UBE2O: variants seen among roughly 807,000 people sequenced by gnomAD.
The protein encoded by UBE2O is ubiquitin conjugating enzyme E2 O.
In UBE2O, 15 loss-of-function variants were observed where a neutral mutation model predicts 125.8. The ratio of observed to expected loss-of-function variants is 0.12; its 90% confidence interval spans 0.08 to 0.18. The LOEUF is 0.18. Ranked by LOEUF, UBE2O falls within the 10% of genes least tolerant of loss-of-function variation. UBE2O has a pLI of 1.00. For synonymous variants in UBE2O, 708 were observed against 703.2 expected, an observed-to-expected ratio of 1.01 and a Z score of -0.11; for missense variants, 1,280 against 1,723.6, an observed-to-expected ratio of 0.74 and a Z score of 4.56.
At chr17:76,412,727 C>T (rs911398066) in intron 1 of UBE2O, among the ~76,000 whole-genome samples, 1 of 152,158 alleles carries the variant, frequency 6.6e-6, no homozygotes, top group Non-Finnish European at 1.5e-5. Context: ...AAAACCAACT[C>T]GGCCGGGCGC....
chr17:76,435,679 A>C (rs1218877080), intron 1 of UBE2O, among the ~76,000 whole-genome samples: 1 of 152,174 alleles, frequency 6.6e-6, no homozygotes, highest in Non-Finnish European at 1.5e-5. Context: ...CTAGTCATGG[A>C]CACTAAGCAA....
chr17:76,396,737 A>T lies in UBE2O; in HGVS notation c.2200T>A (p.Trp734Arg). The change falls in exon 14 of 18, where the codon TGG (tryptophan) becomes AGG (arginine). Residue 734 changes from tryptophan (W) to arginine (R), a missense_variant. By Grantham distance (101) the Trp-to-Arg change is moderately radical. Coordinates refer to ENST00000319380, the MANE Select transcript of UBE2O (RefSeq NM_022066.4). This position sits in a 1 kb window ranked among gnomAD's most constrained non-coding sequence, Gnocchi z 6.7. The part of the protein sequence containing the change: ...GSTSGASSDE[W>R]EDDSDSWETD... ...TCCCAGCTGTCACTATCATCTTCCCATTCATCCGAGGATGCCCCGCTGGTG... is the reference window on the plus strand; with the variant it reads ...TCCCAGCTGTCACTATCATCTTCCCTTTCATCCGAGGATGCCCCGCTGGTG... 1 of 1,613,854 alleles carries T rather than the reference A, an allele frequency of 6.2e-7. No homozygotes were observed. The highest frequency in any genetic ancestry group is 8.5e-7 in the Non-Finnish European group (1 of 1,179,936).
chr17:76,395,775 CCAG>C lies in UBE2O; in HGVS notation c.2893_2895del (p.Leu965del). On this transcript the variant is annotated inframe_deletion, in exon 15 of 18. Coordinates refer to ENST00000319380, the MANE Select transcript of UBE2O (RefSeq NM_022066.4). This position sits in a 1 kb window ranked among gnomAD's most constrained non-coding sequence, Gnocchi z 5.0. ...ATGATGCCCTCAGGCAGTGAGGTAG[CCAG>C]CAGCGCCATCTCCTTCCGCACTGTG... The C allele has an allele frequency of 6.2e-7, 1 of 1,614,196 alleles. No individual in the cohort carries two copies. The highest frequency in any genetic ancestry group is 8.5e-7 in the Non-Finnish European group (1 of 1,180,032).
chr17:76,399,212 T>A lies in UBE2O; in HGVS notation c.1629-221A>T, dbSNP rs959933125. Reference sequence around the variant, plus strand: ...CCACTTGGGAGAGCTCAGGCAAATGTGGTTCCAGAAGGCCAAGCTTAAGGC... The same window carrying A: ...CCACTTGGGAGAGCTCAGGCAAATGAGGTTCCAGAAGGCCAAGCTTAAGGC... On this transcript the variant is annotated intron_variant, in intron 9 of 17. Transcript: ENST00000319380. This position sits in a 1 kb window ranked among gnomAD's most constrained non-coding sequence, Gnocchi z 6.9. 5.4e-6 allele frequency: 4 copies of A among 737,770 alleles called. No individual in the cohort carries two copies. The highest frequency in any genetic ancestry group is 8.7e-6 in the Non-Finnish European group (4 of 461,988). The allele number at this position is 737,770 out of a possible 1,614,324, so 45.7% of individuals were successfully genotyped here. A position where few individuals can be genotyped will look rare whatever the true frequency, so the allele number is the denominator to read the frequency against.
Position 76,402,040 on chromosome 17 carries a change from G to T in UBE2O, c.750+24C>A. The T allele has an allele frequency of 2.5e-6, 4 of 1,612,276 alleles. No individual in the cohort carries two copies. The highest frequency in any genetic ancestry group is 3.4e-6 in the Non-Finnish European group (4 of 1,179,356). On this transcript the variant is annotated intron_variant, in intron 5 of 17. Coordinates refer to ENST00000319380, the MANE Select transcript of UBE2O (RefSeq NM_022066.4). The surrounding 1 kb of genome is among the most constrained non-coding windows in gnomAD (Gnocchi z 5.4). ...GAGGACTGAGCAATCAGAGAAGGGTGCTGGCCTGGATGGAGCACACTACCG... is the reference window on the plus strand; with the variant it reads ...GAGGACTGAGCAATCAGAGAAGGGTTCTGGCCTGGATGGAGCACACTACCG...
intron 1 of UBE2O, among the ~76,000 whole-genome samples, chr17:76,423,085 A>T (rs1287675596): frequency 6.6e-6 from 1 of 152,238 alleles, no homozygotes; most frequent in Non-Finnish European, 1.5e-5. Context: ...GGCCTGGAGA[A>T]CATCTGGCAA....
intron 1 of UBE2O, among the ~76,000 whole-genome samples, chr17:76,419,412 A>C (rs1265662456): frequency 6.6e-6 from 1 of 152,180 alleles, no homozygotes; most frequent in Non-Finnish European, 1.5e-5. Flanking sequence ...GTAATGAAGA[A>C]AAAAATAGAA....
At position 76,400,442 on chromosome 17, in the gene UBE2O, T is replaced by C. The variant is rs1372052395; in HGVS notation, c.1003A>G (p.Arg335Gly). The C allele has an allele frequency of 6.2e-7, 1 of 1,610,324 alleles. No individual in the cohort carries two copies. Among genetic ancestry groups the C allele is most frequent in the Non-Finnish European group, 8.5e-7 (1 of 1,178,218 alleles). Reference protein sequence around the residue: ...PSVITQENLGRVKRLGCFDHA... With the variant: ...PSVITQENLGGVKRLGCFDHA... The stretch of plus-strand genomic sequence containing the variant: ...TGCTGGCAGTAAGGGCATGCTTACC[T>C]GCCTAGGTTTTCCTGGGTGATGACA... The change falls in exon 7 of 18, where the codon AGG (arginine) becomes GGG (glycine). Residue 335 changes from arginine to glycine, a missense_variant and splice_region_variant. Physicochemically the swap from Arg to Gly is moderately radical, Grantham distance 125. Transcript: ENST00000319380. This position sits in a 1 kb window ranked among gnomAD's most constrained non-coding sequence, Gnocchi z 4.3.
chr17:76,396,257 C>T lies in UBE2O; in HGVS notation c.2680G>A (p.Gly894Arg). ...CACTCAGCCTTCACAGGTGACTGCC[C>T]CTCGGGCTTGTCCTCCTTGCGCTCT... ...DVERKEDKPE[G>R]QSPVKAEWPS... Residue 894 changes from glycine to arginine, a missense_variant, in exon 14 of 18, where the codon GGG (glycine) becomes AGG (arginine). Gly to Arg is a moderately radical substitution (Grantham distance 125). This residue lies in a region of UBE2O where 116 missense variants were observed against 154.8 expected (regional missense o/e 0.75). Transcript: ENST00000319380. The surrounding 1 kb of genome is among the most constrained non-coding windows in gnomAD (Gnocchi z 6.7). 6.2e-7 allele frequency: 1 copy of T among 1,614,232 alleles called. No individual in the cohort carries two copies. The highest frequency in any genetic ancestry group is 8.5e-7 in the Non-Finnish European group (1 of 1,180,046).
Position 76,391,393 on chromosome 17 carries a change from C to T in UBE2O, c.3429G>A (p.Glu1143=). The T allele has an allele frequency of 6.2e-7, 1 of 1,613,478 alleles. No individual in the cohort carries two copies. Residue 1143 remains glutamate, a synonymous_variant, in exon 18 of 18, where the codon GAG becomes GAA. Coordinates refer to ENST00000319380, the MANE Select transcript of UBE2O (RefSeq NM_022066.4). The surrounding 1 kb of genome is among the most constrained non-coding windows in gnomAD (Gnocchi z 8.4). The stretch of plus-strand genomic sequence containing the variant: ...GCAGGGCATGGGTTTCCAGCCAGGA[C>T]TCGATACGGTTCACCAGCCGCCAGC... ...TGGWRLVNRI[E]SWLETHALLE...
chr17:76,449,673 C>G lies in UBE2O; in HGVS notation c.417+3052G>C, dbSNP rs536820847. The stretch of plus-strand genomic sequence containing the variant: ...GTGGCTCCTGCCTGTAATCCCAGCA[C>G]TTTGGGAGGCCGAGGCGGGCGGATC... On this transcript the variant is annotated intron_variant, in intron 1 of 17. Transcript: ENST00000319380. 7.9e-5 allele frequency among the ~76,000 whole-genome samples: 12 copies of G among 152,202 alleles called. No homozygotes were observed. The South Asian group carries it at 2.3e-3, about 29-fold the overall frequency.
intron 13 of UBE2O, 99 bp downstream of exon 13, chr17:76,397,699 AG>A (rs2072238465): frequency 2.6e-6 from 3 of 1,164,240 alleles, no homozygotes; most frequent in African/African-American, 1.5e-5. Flanking sequence ...AGATCTCACC[AG>A]GAAGACCTGA....
rs908176300 is a variant in UBE2O, at chr17:76,410,458, C to T, written c.418-4886G>A. On this transcript the variant is annotated intron_variant, in intron 1 of 17. Coordinates refer to ENST00000319380, the MANE Select transcript of UBE2O (RefSeq NM_022066.4). The surrounding 1 kb of genome is among the most constrained non-coding windows in gnomAD (Gnocchi z 4.0). ...CAGGACATCCCTCAACGAAGAATGG[C>T]GTGGCCAACGCACCCGCAGTGCCAC... is the stretch of plus-strand genomic sequence containing the variant. 2.6e-5 allele frequency among the ~76,000 whole-genome samples: 4 copies of T among 152,164 alleles called. No homozygotes were observed. Among genetic ancestry groups the T allele is most frequent in the East Asian group, 1.9e-4 (1 of 5,160 alleles).
At chr17:76,419,495 G>A (rs2143797590) in intron 1 of UBE2O, among the ~76,000 whole-genome samples, 1 of 152,290 alleles carries the variant, frequency 6.6e-6, no homozygotes, top group Middle Eastern at 3.4e-3. Flanking sequence ...GAAAGCGAGA[G>A]TTGACTGATG....
chr17:76,426,267 C>A (rs948161351), intron 1 of UBE2O, among the ~76,000 whole-genome samples: 2 of 152,170 alleles, frequency 1.3e-5, no homozygotes, highest in African/African-American at 4.8e-5. Context: ...TCCCAAAGTG[C>A]TGGGATTACA....
intron 1 of UBE2O, among the ~76,000 whole-genome samples, chr17:76,445,968 G>A (rs2073143749): frequency 6.6e-6 from 1 of 152,212 alleles, no homozygotes; most frequent in Non-Finnish European, 1.5e-5. Context: ...TCATGGGCAA[G>A]TGGAGCCTCA....
intron 1 of UBE2O, among the ~76,000 whole-genome samples, chr17:76,433,627 G>A (rs1375949212): frequency 6.6e-6 from 1 of 151,484 alleles, no homozygotes; most frequent in African/African-American, 2.4e-5. Flanking sequence ...TTAAGAGATG[G>A]GGTCTCGATC....
In UBE2O at chr17:76,396,967, AC is replaced by A; in HGVS notation, c.2116-147del. On this transcript the variant is annotated intron_variant, in intron 13 of 17. Coordinates refer to ENST00000319380, the MANE Select transcript of UBE2O (RefSeq NM_022066.4). This position sits in a 1 kb window ranked among gnomAD's most constrained non-coding sequence, Gnocchi z 6.7. The stretch of plus-strand genomic sequence containing the variant: ...GCAACCTCATTCCACCCTTTCCCTG[AC>A]CTCTGCTCTGGCTTTTGCAGTCCCT... The A allele has an allele frequency of 1.5e-6, 1 of 672,744 alleles. No individual in the cohort carries two copies. 41.7% of individuals were successfully genotyped at this position (672,744 alleles called of 1,614,324 possible).
intron 1 of UBE2O, among the ~76,000 whole-genome samples, chr17:76,437,264 C>T (rs1462147845): frequency 6.6e-6 from 1 of 151,342 alleles, no homozygotes; most frequent in Non-Finnish European, 1.5e-5. Flanking sequence ...TCCTGGCTAA[C>T]ACGGTGAAAC....
Sources: gnomAD v4.1 joint callset for allele counts (sites outside exome capture counted in the v4.1 genomes callset) on GRCh38, gnomAD v4.1.1 for gene constraint, gnomAD v4.1.1 regional missense constraint, Gnocchi (gnomAD v3.1) non-coding constraint, MANE v1.5 for transcripts, NCBI Gene and HGNC (gene_info 2026-07-23, HGNC 2026-07-21) for gene names.